Variants in RAB6A observed in about 807,000 individuals in gnomAD.
RAB6A encodes ras-related protein Rab-6A.
RAB6A carries 8 observed loss-of-function variants against 32.3 expected under a neutral mutation model. That is an observed-to-expected ratio of 0.25 (90% CI 0.15 to 0.45). The LOEUF is 0.45. RAB6A is among the 20% of genes least tolerant of loss of function. The pLI is 1.00. For missense variants in RAB6A, 104 were observed against 249.4 expected (o/e 0.42, Z 3.93); for synonymous variants, 73 against 82.1 (o/e 0.89, Z 0.60).
chr11:73,737,306 G>C (rs931018867), intron 1 of RAB6A, among the ~76,000 whole-genome samples: 1 of 151,998 alleles, frequency 6.6e-6, no homozygotes, highest in Admixed American at 6.6e-5. Flanking sequence ...GCAAATAAGC[G>C]AGACCCTATC....
At chr11:73,702,811 A>C (rs7101957) in intron 6 of RAB6A, among the ~76,000 whole-genome samples, 134,718 of 151,984 alleles carry the variant, frequency 0.89, 60,096 homozygotes, top group East Asian at 1. Context: ...TTTAAGATGT[A>C]TACATTTCAC....
At chr11:73,692,969 CAAAACAAAACA>C (rs1451305413) in intron 6 of RAB6A, among the ~76,000 whole-genome samples, 2 of 43,204 alleles carry the variant, frequency 4.6e-5, no homozygotes, top group African/African-American at 9.3e-5. Flanking sequence ...AAAAACAAAA[CAAAACAAAACA>C]AAAAAACAAA....
At chr11:73,693,839 T>C (rs904325137) in intron 6 of RAB6A, among the ~76,000 whole-genome samples, 12 of 151,636 alleles carry the variant, frequency 7.9e-5, no homozygotes, top group South Asian at 2.1e-4. Context: ...GATGGCGCCA[T>C]TGCACTCCAG....
Position 73,760,710 on chromosome 11 carries a change from A to G in RAB6A, c.-75T>C. 6.5e-7 allele frequency: 1 copy of G among 1,548,312 alleles called. No homozygotes were observed. The highest frequency in any genetic ancestry group is 1.4e-5 in the African/African-American group (1 of 73,148). On this transcript the variant is annotated 5_prime_UTR_variant, in exon 1 of 8. Transcript: ENST00000336083. ...CGATGCTGCTCCAGCCAGCTGACGA[A>G]AAAGGCGAGCGGAAGGGCGGGCACC...
chr11:73,721,444 C>T (rs1946131654), intron 2 of RAB6A, among the ~76,000 whole-genome samples: 1 of 151,872 alleles, frequency 6.6e-6, no homozygotes. Context: ...TCCTCTGTAC[C>T]ACACAATGAT....
intron 2 of RAB6A, among the ~76,000 whole-genome samples, chr11:73,725,562 A>G (rs1194310314): frequency 6.6e-6 from 1 of 152,338 alleles, no homozygotes; most frequent in South Asian, 2.1e-4. Context: ...TGGAGGCAAC[A>G]ACAGAGAATC....
At chr11:73,723,311 CTTATT>C (rs371118109) in intron 2 of RAB6A, among the ~76,000 whole-genome samples, 29 of 151,658 alleles carry the variant, frequency 1.9e-4, no homozygotes, top group Non-Finnish European at 2.7e-4. Flanking sequence ...ATTTATTTTA[CTTATT>C]TTATTTTATT....
intron 6 of RAB6A, 129 bp downstream of exon 6, chr11:73,707,291 G>T: frequency 1.6e-6 from 1 of 616,648 alleles, no homozygotes; most frequent in Non-Finnish European, 2.8e-6. Flanking sequence ...ATTTTTCACT[G>T]TTTGAAAATA....
At chr11:73,688,354 T>C (rs542570831) in intron 6 of RAB6A, among the ~76,000 whole-genome samples, 1 of 152,356 alleles carries the variant, frequency 6.6e-6, no homozygotes, top group East Asian at 1.9e-4. Flanking sequence ...TGCCTGTCTC[T>C]GTCTCTTGAA....
intron 1 of RAB6A, among the ~76,000 whole-genome samples, chr11:73,731,359 A>G (rs185410577): frequency 3.3e-5 from 5 of 151,998 alleles, no homozygotes; most frequent in African/African-American, 1.2e-4. Context: ...CCTGGCCAAC[A>G]TGGTGAAATC....
At chr11:73,716,200 A>C in intron 5 of RAB6A, 51 bp downstream of exon 5, 1 of 1,346,464 alleles carries the variant, frequency 7.4e-7, no homozygotes, top group Non-Finnish European at 1.0e-6. Context: ...CAAAAATAAA[A>C]GGCTGCATCA....
At chr11:73,757,298 C>T (rs1157230178) in intron 1 of RAB6A, among the ~76,000 whole-genome samples, 1 of 150,656 alleles carries the variant, frequency 6.6e-6, no homozygotes, top group Non-Finnish European at 1.5e-5. Flanking sequence ...CTCCCACCCG[C>T]CATCATACCT....
At chr11:73,700,120 C>T (rs1207649331) in intron 6 of RAB6A, among the ~76,000 whole-genome samples, 1 of 151,998 alleles carries the variant, frequency 6.6e-6, no homozygotes, top group Non-Finnish European at 1.5e-5. Flanking sequence ...TTTCTTTTTC[C>T]ATTTTTCAGT....
At chr11:73,732,483 C>A (rs985676675) in intron 1 of RAB6A, among the ~76,000 whole-genome samples, 5 of 152,066 alleles carry the variant, frequency 3.3e-5, no homozygotes, top group Admixed American at 2.6e-4. Flanking sequence ...CTACTTGGGA[C>A]GCTGAGGCAG....
intron 6 of RAB6A, among the ~76,000 whole-genome samples, chr11:73,686,659 G>A (rs1161837771): frequency 6.6e-6 from 1 of 152,170 alleles, no homozygotes; most frequent in Non-Finnish European, 1.5e-5. Context: ...TCTAAGTAGA[G>A]CTTGTGAAAA....
rs1479148423 is a variant in RAB6A at position 73,679,543 on chromosome 11, C to A, written c.562+111G>T. 4 of 1,338,290 alleles carry A rather than the reference C, an allele frequency of 3.0e-6. No homozygotes were observed. In the Admixed American group the frequency reaches 5.4e-5, roughly 18 times the overall value. 82.9% of individuals were successfully genotyped at this position (1,338,290 alleles called of 1,614,324 possible). On this transcript the variant is annotated intron_variant, in intron 7 of 7. Coordinates refer to ENST00000336083, the MANE Select transcript of RAB6A (RefSeq NM_198896.2). ...CAAATGAATTTCTATGCCTTTAAGT[C>A]ATCAGTTCCTGGTTGTAAAAGGCAA...
intron 1 of RAB6A, chr11:73,759,971 T>A: frequency 7.9e-6 from 9 of 1,136,624 alleles, no homozygotes; most frequent in African/African-American, 1.6e-5. Flanking sequence ...CCAATTCAGA[T>A]GTTTCCTCTA....
At position 73,740,845 on chromosome 11, in the gene RAB6A, G is replaced by A. The variant is rs543821996; in HGVS notation, c.71-10022C>T. Among the ~76,000 whole-genome samples the A allele has an allele frequency of 2.4e-3, 362 of 151,288 alleles. 1 individual carries two copies. The highest frequency in any genetic ancestry group is 8.2e-3 in the African/African-American group (338 of 41,210). On this transcript the variant is annotated intron_variant, in intron 1 of 7. Coordinates refer to ENST00000336083, the MANE Select transcript of RAB6A (RefSeq NM_198896.2). ...AGAGGTTGCAGTGAGCCGAGATCAC[G>A]CCAGTGCACTCCAGCCTGGGCAACA...
intron 1 of RAB6A, among the ~76,000 whole-genome samples, chr11:73,734,282 C>T (rs1341229100): frequency 1.3e-5 from 2 of 152,148 alleles, no homozygotes; most frequent in African/African-American, 2.4e-5. Flanking sequence ...CCCGCCACCA[C>T]GCCCAGCTAG....
Sources: allele counts gnomAD v4.1 joint callset (sites outside exome capture counted in the v4.1 genomes callset), GRCh38; gene constraint gnomAD v4.1.1; transcripts MANE v1.5; gene names NCBI Gene and HGNC (gene_info 2026-07-23, HGNC 2026-07-21).